The following SLC8B1 variants were observed in gnomAD, a reference collection of about 807,000 sequenced individuals.
SLC8B1 encodes the protein mitochondrial sodium/calcium exchanger protein.
SLC8B1 carries 52 observed loss-of-function variants against 63.4 expected under a neutral mutation model. The ratio of observed to expected loss-of-function variants is 0.82; its 90% CI spans 0.66 to 1.03. The LOEUF (loss-of-function observed/expected upper bound fraction) is 1.03, where lower values mean the gene tolerates loss of function less well. SLC8B1 is among the 50% of genes least tolerant of loss of function. SLC8B1 has a pLI of 0.00. For missense variants in SLC8B1, 657 were observed against 741.7 expected, an observed-to-expected ratio of 0.89 and a Z score of 1.33; for synonymous variants, 336 against 323.9, an observed-to-expected ratio of 1.04 and a Z score of -0.40.
chr12:113,301,494 G>A (rs1289318258), intron 15 of SLC8B1, among the ~76,000 whole-genome samples: 2 of 151,772 alleles, frequency 1.3e-5, no homozygotes, highest in Non-Finnish European at 2.9e-5. Flanking sequence ...CTGCCACCAC[G>A]CCTGGCTAAT....
In SLC8B1 at chr12:113,305,166, G is replaced by A. The variant is rs1013279202; in HGVS notation, c.1493-781C>T. Among the ~76,000 whole-genome samples the A allele has an allele frequency of 1.3e-5, 2 of 152,186 alleles. No individual in the cohort carries two copies. Among genetic ancestry groups the A allele is most frequent in the South Asian group, 4.1e-4 (2 of 4,830 alleles). On this transcript the variant is annotated intron_variant, in intron 14 of 15. Transcript: ENST00000680972. This position sits in a 1 kb window ranked among gnomAD's most constrained non-coding sequence, Gnocchi z 4.3. ...TAGAGGGAACTGGTGATAGTGTGTG[G>A]GCCGAGGCCATCTCTAGGGGTCGTT... is the stretch of plus-strand genomic sequence containing the variant.
chr12:113,332,611 G>T (rs182672406), intron 2 of SLC8B1, 112 bp downstream of exon 2: 6 of 1,279,188 alleles, frequency 4.7e-6, no homozygotes, highest in Non-Finnish European at 5.3e-6. Context: ...ATTGTTCCCC[G>T]GTATATCCCA....
chr12:113,320,916 A>C lies in SLC8B1; in HGVS notation c.363-9T>G. 1 of 1,603,818 alleles carries C rather than the reference A, an allele frequency of 6.2e-7. No homozygotes were observed. Among genetic ancestry groups the C allele is most frequent in the Non-Finnish European group, 8.5e-7 (1 of 1,176,232 alleles). The stretch of plus-strand genomic sequence containing the variant: ...ACAAGTTGGGGCAGAAACTACGGAG[A>C]AAAAGCGGACGGGAAGCATTTCCGT... On this transcript the variant is annotated splice_polypyrimidine_tract_variant and intron_variant, in intron 4 of 15. Transcript: ENST00000680972. The surrounding 1 kb of genome is among the most constrained non-coding windows in gnomAD (Gnocchi z 5.3).
rs375436288 is a variant in SLC8B1 at position 113,321,368 on chromosome 12, G to T, written c.157-20C>A. Reference sequence around the variant, plus strand: ...GCGGCACTGCAGGAAGACAGGGAGGGGGACATCAGCGGCAGAGACTTCCCT... The same window carrying T: ...GCGGCACTGCAGGAAGACAGGGAGGTGGACATCAGCGGCAGAGACTTCCCT... On this transcript the variant is annotated intron_variant, in intron 2 of 15. Coordinates refer to ENST00000680972, the MANE Select transcript of SLC8B1 (RefSeq NM_001358345.2). The T allele has an allele frequency of 2.5e-6, 4 of 1,614,064 alleles. No individual in the cohort carries two copies. Among genetic ancestry groups the T allele is most frequent in the Non-Finnish European group, 3.4e-6 (4 of 1,179,982 alleles).
chr12:113,329,099 C>T (rs1014423102), intron 2 of SLC8B1, among the ~76,000 whole-genome samples: 2 of 152,140 alleles, frequency 1.3e-5, no homozygotes, highest in African/African-American at 4.8e-5. Context: ...AAGTCTCGCA[C>T]AGTGCCTGGC....
chr12:113,316,923 G>A lies in SLC8B1; in HGVS notation c.862+19C>T, dbSNP rs759912262. On this transcript the variant is annotated intron_variant, in intron 9 of 15. Transcript: ENST00000680972. ...TCCCTGTTACCGCCACCCTGGCTGG[G>A]CACAGGGCACGGACTCACCGTAGTC... The A allele has an allele frequency of 4.3e-6, 7 of 1,611,346 alleles. No homozygotes were observed. The highest frequency in any genetic ancestry group is 5.9e-6 in the Non-Finnish European group (7 of 1,178,674).
At chr12:113,315,184 G>T in intron 11 of SLC8B1, 151 bp downstream of exon 11, 1 of 742,674 alleles carries the variant, frequency 1.3e-6, no homozygotes, top group Non-Finnish European at 2.0e-6. Context: ...TGCCCAGGGG[G>T]CTTAGATGGG....
intron 9 of SLC8B1, 113 bp from the exon 10 acceptor site, chr12:113,316,769 A>G (rs1014355807): frequency 3.1e-5 from 47 of 1,532,734 alleles, no homozygotes; most frequent in Admixed American, 1.6e-4. Context: ...GACAAAGCCC[A>G]GTACTCGGCA....
chr12:113,320,428 G>A lies in SLC8B1; in HGVS notation c.597C>T (p.Ser199=), dbSNP rs1956906265. 3.1e-6 allele frequency: 5 copies of A among 1,614,186 alleles called. No homozygotes were observed. Among genetic ancestry groups the A allele is most frequent in the South Asian group, 2.2e-5 (2 of 91,084 alleles). The change falls in exon 7 of 16, where the codon TCC becomes TCT. Residue 199 remains serine (S), a synonymous_variant. Transcript: ENST00000680972. This position sits in a 1 kb window ranked among gnomAD's most constrained non-coding sequence, Gnocchi z 5.3. ...ITILHPFMAA[S]RPFFRDIVFY... is the part of the protein sequence containing the mutation. ...AAACGATGTCCCTGAAGAAGGGCCT[G>A]GAGGCAGCCATGAAGGGGTGTAGGA...
intron 2 of SLC8B1, among the ~76,000 whole-genome samples, chr12:113,331,143 T>C (rs1957049311): frequency 1.3e-5 from 2 of 151,904 alleles, no homozygotes; most frequent in African/African-American, 2.4e-5. Context: ...ACAACTCCTC[T>C]CTTTCTCCCA....
chr12:113,308,252 G>T, intron 12 of SLC8B1: 1 of 171,116 alleles, frequency 5.8e-6, no homozygotes. Context: ...AGGCTGAGGT[G>T]GGAGAATCGC....
In SLC8B1 at chr12:113,306,519, C is replaced by T. The variant is rs866642782; in HGVS notation, c.1468G>A (p.Ala490Thr). The T allele has an allele frequency of 7.4e-6, 12 of 1,613,212 alleles. No individual in the cohort carries two copies. Among genetic ancestry groups the T allele is most frequent in the African/African-American group, 6.7e-5 (5 of 74,932 alleles). The change falls in exon 14 of 16, where the codon GCC becomes ACC. Residue 490 changes from alanine to threonine, a missense_variant. Physicochemically the swap from Ala to Thr is moderately conservative, Grantham distance 58 (BLOSUM62 0). Transcript: ENST00000680972. ...CTGAAGATGATGCCGCCAAAGCAGG[C>T]GGAGAACGCCATCCGTGGGTAGCCC... ...RQGYPRMAFS[A>T]CFGGIIFNIL...
Position 113,334,880 on chromosome 12 carries a change from A to T in SLC8B1, c.-520T>A, listed in dbSNP as rs1566250161. 1 of 152,232 alleles carries T rather than the reference A, an allele frequency of 6.6e-6. No homozygotes were observed. The highest frequency in any genetic ancestry group is 1.5e-5 in the Non-Finnish European group (1 of 68,042). The allele number at this position is 152,232 out of a possible 1,614,324, so 9.4% of individuals were successfully genotyped here. A position where few individuals can be genotyped will look rare whatever the true frequency, so the allele number is the denominator to read the frequency against. ...GGAAATCGGGGCTGCGCTTCCCAGG[A>T]AAGAGACCTCAGGAACATCTCCGTG... is the stretch of plus-strand genomic sequence containing the variant. On this transcript the variant is annotated 5_prime_UTR_variant, in exon 1 of 16. Coordinates refer to ENST00000680972, the MANE Select transcript of SLC8B1 (RefSeq NM_001358345.2).
intron 7 of SLC8B1, 83 bp from the exon 8 acceptor site, chr12:113,319,154 C>T (rs1045202953): frequency 1.7e-5 from 18 of 1,089,368 alleles, no homozygotes; most frequent in African/African-American, 3.1e-5. Flanking sequence ...ATCAGTGGTG[C>T]GTGTTAGCGG....
At chr12:113,304,443 G>A (rs754747564) in intron 14 of SLC8B1, 58 bp from the exon 15 acceptor site, 1 of 1,493,226 alleles carries the variant, frequency 6.7e-7, no homozygotes, top group South Asian at 1.1e-5. Context: ...CAACCACATA[G>A]CCCGTTCCTC....
intron 2 of SLC8B1, among the ~76,000 whole-genome samples, chr12:113,327,006 C>A (rs1179149941): frequency 1.3e-5 from 2 of 152,166 alleles, no homozygotes; most frequent in Admixed American, 6.5e-5. Flanking sequence ...CCAGCTCCCA[C>A]CCAAAAGCAA....
rs144837481 is a variant in SLC8B1 at position 113,321,297 on chromosome 12, T to C, written c.208A>G (p.Thr70Ala). ...NVSDRCDFIRTNPDCHSDGGY... is the reference protein window; with the variant it reads ...NVSDRCDFIRANPDCHSDGGY... ...CCATCACTGTGGCAGTCAGGGTTGG[T>C]CCGGATGAAGTCACAGCGGTCAGAG... Residue 70 changes from threonine (T) to alanine (A), a missense_variant, in exon 3 of 16, where the codon ACC (threonine) becomes GCC (alanine). By Grantham distance (58) the Thr-to-Ala change is moderately conservative. Transcript: ENST00000680972. 17 of 1,614,052 alleles carry C rather than the reference T, an allele frequency of 1.1e-5. No individual in the cohort carries two copies. In the African/African-American group the frequency reaches 2.1e-4, roughly 20 times the overall value.
In SLC8B1 at chr12:113,310,257, T is replaced by TGTC; in HGVS notation, c.1231_1233dup (p.Asp411dup). ...ACCCAGTGAAGCCTGGGGGGCTGGC[T>TGTC]GTCAGATGTGGCAAAAAAGGTCACT... On this transcript the variant is annotated inframe_insertion, in exon 12 of 16. Coordinates refer to ENST00000680972, the MANE Select transcript of SLC8B1 (RefSeq NM_001358345.2). The TGTC allele has an allele frequency of 6.2e-7, 1 of 1,614,032 alleles. No individual in the cohort carries two copies. Among genetic ancestry groups the TGTC allele is most frequent in the Non-Finnish European group, 8.5e-7 (1 of 1,179,988 alleles).
chr12:113,310,406 A>G, intron 11 of SLC8B1, 51 bp from the exon 12 acceptor site: 2 of 1,587,136 alleles, frequency 1.3e-6, no homozygotes, highest in South Asian at 1.1e-5. Context: ...CTCAACACCC[A>G]CTTACAATGG....
Sources: gnomAD v4.1 joint callset for allele counts (sites outside exome capture counted in the v4.1 genomes callset) on GRCh38, gnomAD v4.1.1 for gene constraint, Gnocchi (gnomAD v3.1) non-coding constraint, MANE v1.5 for transcripts, NCBI Gene and HGNC (gene_info 2026-07-23, HGNC 2026-07-21) for gene names.